The following SLCO2A1 variants were observed in gnomAD, a reference collection of about 807,000 sequenced individuals.
SLCO2A1 encodes matrin F/G 1.
A neutral mutation model predicts 71.7 loss-of-function variants in SLCO2A1; 60 were observed. That is an observed-to-expected ratio of 0.84 (90% confidence interval 0.68 to 1.04). The LOEUF (loss-of-function observed/expected upper bound fraction) is 1.04. Ranked by LOEUF, SLCO2A1 falls within the 50% of genes least tolerant of loss-of-function variation. The pLI is 0.00. For missense variants in SLCO2A1, 745 were observed against 813.4 expected, an observed-to-expected ratio of 0.92 and a Z score of 1.02; for synonymous variants, 308 against 326.7, an observed-to-expected ratio of 0.94 and a Z score of 0.62.
rs1335464935 is a variant in SLCO2A1, at chr3:133,934,499, C to A, written c.*214G>T. The A allele has an allele frequency of 1.5e-5, 7 of 463,550 alleles. No homozygotes were observed. Among genetic ancestry groups the A allele is most frequent in the Non-Finnish European group, 2.7e-5 (7 of 256,506 alleles). 28.7% of individuals were successfully genotyped at this position (463,550 alleles called of 1,614,324 possible). A position where few individuals can be genotyped will look rare whatever the true frequency, so the allele number is the denominator to read the frequency against. On this transcript the variant is annotated 3_prime_UTR_variant, in exon 14 of 14. Transcript: ENST00000310926. Reference sequence around the variant, plus strand: ...AGGGGCCAGGGAAGACTCAGCCCCCCAGTTCTGGCCCACACAGCCCGGGTA... The same window carrying A: ...AGGGGCCAGGGAAGACTCAGCCCCCAAGTTCTGGCCCACACAGCCCGGGTA...
chr3:134,007,546 C>T (rs1218231490), intron 1 of SLCO2A1, among the ~76,000 whole-genome samples: 1 of 152,180 alleles, frequency 6.6e-6, no homozygotes, highest in Non-Finnish European at 1.5e-5. Context: ...AATTCTGTTT[C>T]TGATTCTATG....
intron 1 of SLCO2A1, among the ~76,000 whole-genome samples, chr3:134,013,572 G>A (rs1935384963): frequency 6.6e-6 from 1 of 152,118 alleles, no homozygotes; most frequent in Non-Finnish European, 1.5e-5. Flanking sequence ...AATTGTCTAG[G>A]TACCATTCCC....
intron 1 of SLCO2A1, among the ~76,000 whole-genome samples, chr3:134,008,171 G>A (rs1028201154): frequency 6.6e-6 from 1 of 152,166 alleles, no homozygotes; most frequent in Non-Finnish European, 1.5e-5. Flanking sequence ...CATGACCCCA[G>A]ATGCATTAAA....
At chr3:133,948,514 C>T in intron 8 of SLCO2A1, 22 bp downstream of exon 8, 1 of 1,606,948 alleles carries the variant, frequency 6.2e-7, no homozygotes, top group Non-Finnish European at 8.5e-7. Flanking sequence ...CCTGCGGATC[C>T]TGCAGCACCC....
chr3:133,945,138 C>A lies in SLCO2A1; in HGVS notation c.1418G>T (p.Gly473Val). ...AGAGCTCATGTTGATGTTGCTGCAG[C>A]CGGCATGGCAAGGGGAGAGGTACTC... is the stretch of plus-strand genomic sequence containing the variant. The part of the protein sequence containing the change: ...GIEYLSPCHA[G>V]CSNINMSSAT... The change falls in exon 10 of 14, where the codon GGC becomes GTC. Residue 473 changes from glycine (G) to valine (V), a missense_variant. By Grantham distance (109) the Gly-to-Val change is moderately radical (BLOSUM62 -3). Transcript: ENST00000310926. 1.2e-6 allele frequency: 2 copies of A among 1,613,972 alleles called. No individual in the cohort carries two copies. Among genetic ancestry groups the A allele is most frequent in the Non-Finnish European group, 1.7e-6 (2 of 1,179,902 alleles).
chr3:134,021,361 A>G (rs1252403783), intron 1 of SLCO2A1, among the ~76,000 whole-genome samples: 3 of 152,212 alleles, frequency 2.0e-5, no homozygotes, highest in African/African-American at 7.2e-5. Context: ...ACTGGCCAGC[A>G]TTAGAGGTAA....
chr3:133,942,375 A>G, intron 11 of SLCO2A1: 1 of 460,644 alleles, frequency 2.2e-6, no homozygotes, highest in Non-Finnish European at 3.9e-6. Context: ...GGACTGAATG[A>G]GGCCCTGCAA....
intron 1 of SLCO2A1, among the ~76,000 whole-genome samples, chr3:134,024,321 C>T (rs970626892): frequency 2.6e-5 from 4 of 152,184 alleles, no homozygotes; most frequent in African/African-American, 7.2e-5. Flanking sequence ...AGTCCCATGA[C>T]GAATACCATA....
rs1559950189 is a variant in SLCO2A1 at position 133,993,256 on chromosome 3, A to AGTTCCCGCCCG, written c.97-13639_97-13638insCGGGCGGGAAC. Among the ~76,000 whole-genome samples the AGTTCCCGCCCG allele has an allele frequency of 1.8e-3, 274 of 152,190 alleles. 2 individuals carry two copies. The highest frequency in any genetic ancestry group is 6.5e-3 in the African/African-American group (268 of 41,498). On this transcript the variant is annotated intron_variant, in intron 1 of 13. Transcript: ENST00000310926. ...GACCAGCTAGGTCCAGTTCCCGTGC[A>AGTTCCCGCCCG]CTCCAGTTCCCGCCCGTGAAGGGGT... is the stretch of plus-strand genomic sequence containing the variant.
chr3:133,975,675 GC>G (rs1279532866), intron 2 of SLCO2A1, among the ~76,000 whole-genome samples: 1 of 151,960 alleles, frequency 6.6e-6, no homozygotes, highest in Non-Finnish European at 1.5e-5. Context: ...CAGCCATACT[GC>G]CCCCAGCTGT....
At position 133,983,402 on chromosome 3, in the gene SLCO2A1, G is replaced by A. The variant is rs113279094; in HGVS notation, c.97-3784C>T. The stretch of plus-strand genomic sequence containing the variant: ...CCTCGATGCCAAGTGAAGCAGAAAT[G>A]AGCTACCCCAATGAGCCCTGTGCAG... On this transcript the variant is annotated intron_variant, in intron 1 of 13. Transcript: ENST00000310926. Among the ~76,000 whole-genome samples, 1,168 of 152,312 alleles carry A rather than the reference G, an allele frequency of 7.7e-3. 8 individuals carry two copies. The highest frequency in any genetic ancestry group is 0.01 in the Non-Finnish European group (700 of 68,036).
At chr3:133,951,086 T>C in intron 6 of SLCO2A1, 122 bp downstream of exon 6, 1 of 1,326,744 alleles carries the variant, frequency 7.5e-7, no homozygotes, top group Non-Finnish European at 1.1e-6. Flanking sequence ...ATCATGAAAT[T>C]TGTTTAGATT....
chr3:133,946,759 C>T (rs998010040), intron 9 of SLCO2A1, among the ~76,000 whole-genome samples: 3 of 152,140 alleles, frequency 2.0e-5, no homozygotes, highest in African/African-American at 7.2e-5. Flanking sequence ...AGCCTTTGAT[C>T]TCTTCTTATA....
At position 133,948,555 on chromosome 3, in the gene SLCO2A1, G is replaced by A. The variant is rs963819451; in HGVS notation, c.1086C>T (p.Ala362=). The A allele has an allele frequency of 1.2e-6, 2 of 1,614,014 alleles. No individual in the cohort carries two copies. Among genetic ancestry groups the A allele is most frequent in the Non-Finnish European group, 1.7e-6 (2 of 1,179,954 alleles). The change falls in exon 8 of 14, where the codon GCC becomes GCT. Residue 362 remains alanine, a synonymous_variant. Coordinates refer to ENST00000310926, the MANE Select transcript of SLCO2A1 (RefSeq NM_005630.3). ...GCTCACCAATGAGGAAGTTGGCATA[G>A]GCTGCTGAGGTGCCATACTGCTTCT... The part of the protein sequence containing the change: ...FLEKQYGTSA[A]YANFLIGAVN...
Position 134,023,353 on chromosome 3 carries a change from A to G in SLCO2A1, c.96+6354T>C, listed in dbSNP as rs530873629. 9.2e-5 allele frequency among the ~76,000 whole-genome samples: 14 copies of G among 152,228 alleles called. No individual in the cohort carries two copies. In the South Asian group the frequency reaches 2.7e-3, roughly 29 times the overall value. On this transcript the variant is annotated intron_variant, in intron 1 of 13. Transcript: ENST00000310926. The stretch of plus-strand genomic sequence containing the variant: ...ACATAACCAAGTCAATTTCTCCTCA[A>G]ACTATTGCATTTAATGCTTGCCTTG...
intron 3 of SLCO2A1, among the ~76,000 whole-genome samples, chr3:133,957,550 G>A (rs1435393668): frequency 6.6e-6 from 1 of 152,188 alleles, no homozygotes; most frequent in African/African-American, 2.4e-5. Context: ...TGAAAAGACA[G>A]AACACACATT....
chr3:133,974,258 G>C (rs1172583418), intron 2 of SLCO2A1, among the ~76,000 whole-genome samples: 1 of 152,128 alleles, frequency 6.6e-6, no homozygotes, highest in African/African-American at 2.4e-5. Flanking sequence ...GTTTAATTAG[G>C]TACAAATTAA....
At chr3:133,983,849 G>C (rs139933643) in intron 1 of SLCO2A1, among the ~76,000 whole-genome samples, 241 of 152,356 alleles carry the variant, frequency 1.6e-3, no homozygotes, top group African/African-American at 5.5e-3. Flanking sequence ...GGCTGGGGTA[G>C]TGGGTCTGGA....
rs139447993 is a variant in SLCO2A1 at position 133,933,609 on chromosome 3, T to A, written c.*1104A>T. ...GAAGAGGCTGAGAAAATGGGAATGG[T>A]ATGAGCATGTCTGAAACCAGGAAAG... On this transcript the variant is annotated 3_prime_UTR_variant, in exon 14 of 14. Transcript: ENST00000310926. The A allele has an allele frequency of 6.6e-6, 1 of 152,380 alleles. No homozygotes were observed. Among genetic ancestry groups the A allele is most frequent in the Non-Finnish European group, 1.5e-5 (1 of 68,060 alleles). 9.4% of individuals were successfully genotyped at this position (152,380 alleles called of 1,614,324 possible). A position where few individuals can be genotyped will look rare whatever the true frequency, so the allele number is the denominator to read the frequency against.
Sources: gnomAD v4.1 joint callset for allele counts (sites outside exome capture counted in the v4.1 genomes callset) on GRCh38, gnomAD v4.1.1 for gene constraint, MANE v1.5 for transcripts, NCBI Gene and HGNC (gene_info 2026-07-23, HGNC 2026-07-21) for gene names.